Variants in IPO13 observed in about 807,000 individuals in gnomAD.
IPO13 encodes importin 13.
A neutral mutation model predicts 115.5 loss-of-function variants in IPO13; 28 were observed. The observed-to-expected ratio is 0.24, with a 90% CI of 0.18 to 0.33. The LOEUF (loss-of-function observed/expected upper bound fraction) is 0.33, where lower values mean the gene tolerates loss of function less well. IPO13 is among the 10% of genes least tolerant of loss of function. IPO13 has a pLI of 1.00. For synonymous variants in IPO13, 414 were observed against 478.9 expected (o/e 0.86, Z 1.77); for missense variants, 785 against 1,204.6 (o/e 0.65, Z 5.16).
chr1:43,959,252 TCAA>T (rs2085273601), intron 11 of IPO13, among the ~76,000 whole-genome samples: 1 of 152,332 alleles, frequency 6.6e-6, no homozygotes, highest in South Asian at 2.1e-4. Context: ...GCCTTCTACT[TCAA>T]CATTTACTGT....
intron 2 of IPO13, among the ~76,000 whole-genome samples, chr1:43,955,822 A>C (rs1292578696): frequency 3.3e-5 from 5 of 151,910 alleles, no homozygotes; most frequent in Admixed American, 3.3e-4. Flanking sequence ...GGTGCCCCAA[A>C]CTTCATGTTA....
At chr1:43,957,861 T>C (rs1158887048) in intron 7 of IPO13, 116 bp from the exon 8 acceptor site, 5 of 960,418 alleles carry the variant, frequency 5.2e-6, no homozygotes, top group Non-Finnish European at 8.2e-6. Context: ...AATGGGGCAG[T>C]ACTCTGTGCT....
intron 11 of IPO13, among the ~76,000 whole-genome samples, chr1:43,959,342 A>G (rs2085274473): frequency 6.6e-6 from 1 of 152,218 alleles, no homozygotes; most frequent in Non-Finnish European, 1.5e-5. Flanking sequence ...CCCAGTGTAG[A>G]GGAAATTCAG....
In IPO13 at chr1:43,949,741, G is replaced by A; in HGVS notation, c.409G>A (p.Asp137Asn). ...CTCACTGGCTCTCAGCATGATGCCT[G>A]ACGCTTGGCCATGTGCTGTGGCAGA... is the stretch of plus-strand genomic sequence containing the variant. ...LASLALSMMP[D>N]AWPCAVADMV... is the part of the protein sequence containing the mutation. Residue 137 changes from aspartate to asparagine, a missense_variant, in exon 2 of 20, where the codon GAC (aspartate) becomes AAC (asparagine). Physicochemically the swap from Asp to Asn is conservative, Grantham distance 23 (BLOSUM62 1). Transcript: ENST00000372343. 6.2e-7 allele frequency: 1 copy of A among 1,614,172 alleles called. No individual in the cohort carries two copies. The highest frequency in any genetic ancestry group is 1.1e-5 in the South Asian group (1 of 91,088).
In IPO13 at chr1:43,958,443, C is replaced by G. The variant is rs747549685; in HGVS notation, c.1750-18C>G. ...ACTAGATGTGGCCAGGACTGACCATCCATGTTCTGCCCCACAGACAAGCCA... is the reference window on the plus strand; with the variant it reads ...ACTAGATGTGGCCAGGACTGACCATGCATGTTCTGCCCCACAGACAAGCCA... On this transcript the variant is annotated intron_variant, in intron 9 of 19. Coordinates refer to ENST00000372343, the MANE Select transcript of IPO13 (RefSeq NM_014652.4). This position sits in a 1 kb window ranked among gnomAD's most constrained non-coding sequence, Gnocchi z 6.3. 1 of 1,613,886 alleles carries G rather than the reference C, an allele frequency of 6.2e-7. No homozygotes were observed. Among genetic ancestry groups the G allele is most frequent in the East Asian group, 2.2e-5 (1 of 44,886 alleles).
rs768629605 is a variant in IPO13, at chr1:43,960,282, A to G, written c.2062A>G (p.Ile688Val). ...GGTGCTGCAGCAGGTCTTCCAGCTT[A>G]TCCAGAAGGTGCTGAGCAAATGGTT... ...VVVLQQVFQL[I>V]QKVLSKWLND... Residue 688 changes from isoleucine to valine, a missense_variant, in exon 12 of 20, where the codon ATC (isoleucine) becomes GTC (valine). By Grantham distance (29) the Ile-to-Val change is conservative. Transcript: ENST00000372343. 1 of 1,614,168 alleles carries G rather than the reference A, an allele frequency of 6.2e-7. No homozygotes were observed. The highest frequency in any genetic ancestry group is 1.7e-5 in the Admixed American group (1 of 60,028).
rs1214400937 is a variant in IPO13 at position 43,956,786 on chromosome 1, A to C, written c.1105-24A>C. The C allele has an allele frequency of 6.2e-7, 1 of 1,613,788 alleles. No homozygotes were observed. Among genetic ancestry groups the C allele is most frequent in the Non-Finnish European group, 8.5e-7 (1 of 1,179,798 alleles). On this transcript the variant is annotated intron_variant, in intron 4 of 19. Coordinates refer to ENST00000372343, the MANE Select transcript of IPO13 (RefSeq NM_014652.4). This position sits in a 1 kb window ranked among gnomAD's most constrained non-coding sequence, Gnocchi z 4.7. ...TTCTATGACTGCTGGTGAGGTGGCT[A>C]ATTCTCTTCCCTGGCTCTCTCAGGA... is the stretch of plus-strand genomic sequence containing the variant.
rs957784987 is a variant in IPO13 at position 43,967,199 on chromosome 1, G to A, written c.2614-116G>A. 13 of 1,204,774 alleles carry A rather than the reference G, an allele frequency of 1.1e-5. No homozygotes were observed. The East Asian group carries it at 1.4e-4, about 13-fold the overall frequency. The allele number at this position is 1,204,774 out of a possible 1,614,324, so 74.6% of individuals were successfully genotyped here. On this transcript the variant is annotated intron_variant, in intron 18 of 19. Transcript: ENST00000372343. The surrounding 1 kb of genome is among the most constrained non-coding windows in gnomAD (Gnocchi z 6.1). ...GATCAGCTGGCTCTCAAAAAGCAGC[G>A]CTCACTGTGATGTGCAGTTTGGCTT...
rs768840874 is a variant in IPO13 at position 43,966,487 on chromosome 1, T to C, written c.2398-88T>C. The C allele has an allele frequency of 1.5e-5, 20 of 1,358,432 alleles. No individual in the cohort carries two copies. The highest frequency in any genetic ancestry group is 2.1e-5 in the Non-Finnish European group (20 of 955,312). 84.1% of individuals were successfully genotyped at this position (1,358,432 alleles called of 1,614,324 possible). A position where few individuals can be genotyped will look rare whatever the true frequency, so the allele number is the denominator to read the frequency against. ...TTTGGCAGCCTCTACCTGTGAGGTG[T>C]GAAGTTGGGGGCTGGGGTGGCAGGT... On this transcript the variant is annotated intron_variant, in intron 15 of 19. Coordinates refer to ENST00000372343, the MANE Select transcript of IPO13 (RefSeq NM_014652.4). The surrounding 1 kb of genome is among the most constrained non-coding windows in gnomAD (Gnocchi z 4.1).
chr1:43,957,380 CA>C, intron 6 of IPO13, 21 bp from the exon 7 acceptor site: 1 of 1,614,000 alleles, frequency 6.2e-7, no homozygotes, highest in Non-Finnish European at 8.5e-7. Context: ...TCATCCAAGC[CA>C]GTGGCACCCT....
At position 43,958,620 on chromosome 1, in the gene IPO13, A is replaced by G; in HGVS notation, c.1884+25A>G. On this transcript the variant is annotated intron_variant, in intron 10 of 19. Coordinates refer to ENST00000372343, the MANE Select transcript of IPO13 (RefSeq NM_014652.4). This position sits in a 1 kb window ranked among gnomAD's most constrained non-coding sequence, Gnocchi z 6.3. ...AGTGAGTGAGCTCTGGGGGCCAGGGAGCGGTACTGAGATGCTGTGGCTGAT... is the reference window on the plus strand; with the variant it reads ...AGTGAGTGAGCTCTGGGGGCCAGGGGGCGGTACTGAGATGCTGTGGCTGAT... The G allele has an allele frequency of 1.2e-6, 2 of 1,613,888 alleles. No homozygotes were observed. Among genetic ancestry groups the G allele is most frequent in the Non-Finnish European group, 8.5e-7 (1 of 1,179,976 alleles).
intron 2 of IPO13, among the ~76,000 whole-genome samples, chr1:43,950,938 G>A (rs1488313694): frequency 6.6e-6 from 1 of 152,148 alleles, no homozygotes; most frequent in African/African-American, 2.4e-5. Flanking sequence ...CCTCTGTGAG[G>A]ACAGGGACTC....
chr1:43,948,560 C>G (rs2085183800), intron 1 of IPO13, among the ~76,000 whole-genome samples: 1 of 152,252 alleles, frequency 6.6e-6, no homozygotes, highest in Admixed American at 6.5e-5. Flanking sequence ...ATGGCCATAA[C>G]TGGCTGTCAG....
Position 43,967,099 on chromosome 1 carries a change from C to A in IPO13, c.2613+80C>A, listed in dbSNP as rs933216025. 12 of 1,324,970 alleles carry A rather than the reference C, an allele frequency of 9.1e-6. No individual in the cohort carries two copies. The highest frequency in any genetic ancestry group is 1.3e-5 in the Non-Finnish European group (12 of 918,982). The allele number at this position is 1,324,970 out of a possible 1,614,324, so 82.1% of individuals were successfully genotyped here. The stretch of plus-strand genomic sequence containing the variant: ...CAGCTGGCCTTCTGGGAGGCTTGAG[C>A]CTTTGGTCCCCTAAGCTCTCAGATT... On this transcript the variant is annotated intron_variant, in intron 18 of 19. Coordinates refer to ENST00000372343, the MANE Select transcript of IPO13 (RefSeq NM_014652.4). This position sits in a 1 kb window ranked among gnomAD's most constrained non-coding sequence, Gnocchi z 6.1.
chr1:43,963,281 G>T (rs939868719), intron 14 of IPO13, among the ~76,000 whole-genome samples: 13 of 152,204 alleles, frequency 8.5e-5, no homozygotes, highest in African/African-American at 3.1e-4. Flanking sequence ...GGAGCTCCAG[G>T]TGCATGCCAT....
In IPO13 at chr1:43,967,829, T is replaced by C; in HGVS notation, c.*147T>C. ...GGGTCCAGAAGGCCTGGGGGAAGGATGGGAGGATGCTTGGACCCAGGCCTT... is the reference window on the plus strand; with the variant it reads ...GGGTCCAGAAGGCCTGGGGGAAGGACGGGAGGATGCTTGGACCCAGGCCTT... On this transcript the variant is annotated 3_prime_UTR_variant, in exon 20 of 20. Transcript: ENST00000372343. This position sits in a 1 kb window ranked among gnomAD's most constrained non-coding sequence, Gnocchi z 6.1. 1.3e-6 allele frequency: 1 copy of C among 746,270 alleles called. No homozygotes were observed. The highest frequency in any genetic ancestry group is 2.3e-6 in the Non-Finnish European group (1 of 441,174). The allele number at this position is 746,270 out of a possible 1,614,324, so 46.2% of individuals were successfully genotyped here. A position where few individuals can be genotyped will look rare whatever the true frequency, so the allele number is the denominator to read the frequency against.
At chr1:43,955,044 T>C (rs1031560186) in intron 2 of IPO13, among the ~76,000 whole-genome samples, 3 of 152,232 alleles carry the variant, frequency 2.0e-5, no homozygotes, top group South Asian at 2.1e-4. Context: ...CTTAGTTGTT[T>C]AGCCAGTGAC....
In IPO13 at chr1:43,967,266, G is replaced by A. The variant is rs2085331939; in HGVS notation, c.2614-49G>A. 1 of 1,579,934 alleles carries A rather than the reference G, an allele frequency of 6.3e-7. No individual in the cohort carries two copies. The highest frequency in any genetic ancestry group is 1.3e-5 in the African/African-American group (1 of 74,358). ...GCAGTTAGGCATTCTTGCTGCAGAAGCGGCGGAAGGGGCAACACCCTGGTG... is the reference window on the plus strand; with the variant it reads ...GCAGTTAGGCATTCTTGCTGCAGAAACGGCGGAAGGGGCAACACCCTGGTG... On this transcript the variant is annotated intron_variant, in intron 18 of 19. Coordinates refer to ENST00000372343, the MANE Select transcript of IPO13 (RefSeq NM_014652.4). The surrounding 1 kb of genome is among the most constrained non-coding windows in gnomAD (Gnocchi z 6.1).
At chr1:43,961,410 C>T (rs947968436) in intron 14 of IPO13, 148 bp downstream of exon 14, 1 of 730,236 alleles carries the variant, frequency 1.4e-6, no homozygotes, top group Non-Finnish European at 2.5e-6. Flanking sequence ...TCAAGCACAA[C>T]ACCTTATAAA....
Sources: allele counts gnomAD v4.1 joint callset (sites outside exome capture counted in the v4.1 genomes callset), GRCh38; gene constraint gnomAD v4.1.1; non-coding constraint Gnocchi (gnomAD v3.1); transcripts MANE v1.5; gene names NCBI Gene and HGNC (gene_info 2026-07-23, HGNC 2026-07-21).